The following XRCC1 variants were observed in gnomAD, a reference collection of about 807,000 sequenced individuals.
XRCC1 encodes DNA repair protein XRCC1.
XRCC1 carries 52 observed loss-of-function variants against 83.3 expected under a neutral mutation model. That is an observed-to-expected ratio of 0.62 (90% confidence interval 0.50 to 0.79). XRCC1 has a LOEUF of 0.79. Ranked by LOEUF, XRCC1 falls within the 30% of genes least tolerant of loss-of-function variation. The pLI is 0.00. For missense variants in XRCC1, 793 were observed against 823.5 expected (o/e 0.96, Z 0.45); for synonymous variants, 281 against 312.6 (o/e 0.90, Z 1.07).
chr19:43,572,365 GATGTC>G (rs1408148723), intron 2 of XRCC1, among the ~76,000 whole-genome samples: 1 of 152,176 alleles, frequency 6.6e-6, no homozygotes. Flanking sequence ...TCCGGGCTTG[GATGTC>G]ATTATTCCCA....
Position 43,553,443 on chromosome 19 carries a change from G to C in XRCC1, c.559C>G (p.Pro187Ala), listed in dbSNP as rs2146052431. ...ATCCGGCTGAAGAAGAGAGCCCCCG[G>C]CCTCAGAGAGTTGGCGCTCTCATCC... is the stretch of plus-strand genomic sequence containing the variant. ...EEDESANSLR[P>A]GALFFSRINK... Residue 187 changes from proline (P) to alanine (A), a missense_variant, in exon 6 of 17, where the codon CCG becomes GCG. By Grantham distance (27) the Pro-to-Ala change is conservative. Coordinates refer to ENST00000262887, the MANE Select transcript of XRCC1 (RefSeq NM_006297.3). 6.2e-7 allele frequency: 1 copy of C among 1,614,168 alleles called. No individual in the cohort carries two copies.
chr19:43,570,915 T>C (rs1389124157), intron 2 of XRCC1, among the ~76,000 whole-genome samples: 1 of 152,220 alleles, frequency 6.6e-6, no homozygotes, highest in Non-Finnish European at 1.5e-5. Flanking sequence ...AATTAGTCAT[T>C]GCCAGATGCA....
At position 43,543,396 on chromosome 19, in the gene XRCC1, G is replaced by A. The variant is rs1328080876; in HGVS notation, c.1898C>T (p.Ala633Val). 3.8e-6 allele frequency: 6 copies of A among 1,598,646 alleles called. No homozygotes were observed. The highest frequency in any genetic ancestry group is 4.3e-6 in the Non-Finnish European group (5 of 1,170,626). ...TGTGTGTGTATAGCACATACTTCAG[G>A]CTTGCGGCACCACCCCATAGAGCTG... ...PHQLYGVVPQ[A>V] is the part of the protein sequence containing the mutation. The change falls in exon 17 of 17, where the codon GCC (alanine) becomes GTC (valine). Residue 633 changes from alanine to valine, a missense_variant. Ala to Val is a moderately conservative substitution (Grantham distance 64). Transcript: ENST00000262887.
intron 2 of XRCC1, among the ~76,000 whole-genome samples, chr19:43,568,497 AAAGTAAGT>A (rs200331399): frequency 4.6e-5 from 7 of 151,928 alleles, no homozygotes; most frequent in Admixed American, 3.3e-4. Context: ...ATTCTGTCTC[AAAGTAAGT>A]AAGTAAGTAA....
chr19:43,561,051 G>A lies in XRCC1; in HGVS notation c.145-31C>T, dbSNP rs906887144. ...GGCAGAGAGAGAGGCCACTGTCAGT[G>A]CCTGCTCTGCCTCTGGGCTCACTGT... On this transcript the variant is annotated intron_variant, in intron 2 of 16. Transcript: ENST00000262887. 5.2e-6 allele frequency: 8 copies of A among 1,544,060 alleles called. No individual in the cohort carries two copies. In the African/African-American group the frequency reaches 8.2e-5, roughly 16 times the overall value.
At chr19:43,554,615 G>A in intron 4 of XRCC1, 31 bp downstream of exon 4, 1 of 1,588,974 alleles carries the variant, frequency 6.3e-7, no homozygotes, top group Non-Finnish European at 8.6e-7. Flanking sequence ...CAGGACCAAG[G>A]ACTCTGCACC....
chr19:43,573,689 T>C (rs1166721407), intron 2 of XRCC1, among the ~76,000 whole-genome samples: 1 of 151,138 alleles, frequency 6.6e-6, no homozygotes, highest in Non-Finnish European at 1.5e-5. Context: ...CCTGGCAACA[T>C]GGTGGAAACC....
intron 2 of XRCC1, chr19:43,574,694 C>CCA (rs1972836922): frequency 7.1e-6 from 4 of 565,042 alleles, no homozygotes; most frequent in South Asian, 6.1e-5. Context: ...CTGCCCAGGA[C>CCA]CACACACTGA....
In XRCC1 at chr19:43,553,523, G is replaced by A. The variant is rs776380027; in HGVS notation, c.490-11C>T. ...GGTCACTGTCACCTTCTAAGGTCCC[G>A]CAAGGTCAGTATTATAGGTGGGCTG... On this transcript the variant is annotated splice_polypyrimidine_tract_variant and intron_variant, in intron 5 of 16. Coordinates refer to ENST00000262887, the MANE Select transcript of XRCC1 (RefSeq NM_006297.3). 4.9e-5 allele frequency: 79 copies of A among 1,613,924 alleles called. No homozygotes were observed. The highest frequency in any genetic ancestry group is 2.0e-4 in the South Asian group (18 of 91,082).
At chr19:43,561,118 T>C in intron 2 of XRCC1, 98 bp from the exon 3 acceptor site, 1 of 960,450 alleles carries the variant, frequency 1.0e-6, no homozygotes, top group East Asian at 2.4e-5. Context: ...CATGTCCCTG[T>C]AATGTCAATT....
intron 2 of XRCC1, among the ~76,000 whole-genome samples, chr19:43,567,012 A>T (rs1383914813): frequency 6.6e-6 from 1 of 152,158 alleles, no homozygotes; most frequent in Non-Finnish European, 1.5e-5. Flanking sequence ...TGAAGTTGTG[A>T]TATATGCTAC....
intron 15 of XRCC1, 137 bp from the exon 16 acceptor site, chr19:43,543,824 T>C (rs1972481081): frequency 1.3e-6 from 1 of 744,842 alleles, no homozygotes; most frequent in Non-Finnish European, 2.2e-6. Flanking sequence ...GCTCCATTCT[T>C]TCATGTATCC....
At chr19:43,564,193 G>T (rs941495249) in intron 2 of XRCC1, among the ~76,000 whole-genome samples, 1 of 152,196 alleles carries the variant, frequency 6.6e-6, no homozygotes, top group Non-Finnish European at 1.5e-5. Flanking sequence ...TGTCAGCTGC[G>T]AATATCATTA....
intron 14 of XRCC1, 115 bp downstream of exon 14, chr19:43,545,703 G>A (rs1972500940): frequency 1.4e-6 from 2 of 1,388,588 alleles, no homozygotes; most frequent in South Asian, 2.7e-5. Context: ...GTTGAGGAAG[G>A]AGAGGGGAGG....
intron 6 of XRCC1, 114 bp from the exon 7 acceptor site, chr19:43,553,205 C>G: frequency 8.0e-7 from 1 of 1,245,778 alleles, no homozygotes. Flanking sequence ...TCCAGGAGTC[C>G]CAGCCTCCAG....
chr19:43,553,241 G>T, intron 6 of XRCC1, 150 bp from the exon 7 acceptor site: 1 of 1,168,054 alleles, frequency 8.6e-7, no homozygotes, highest in Non-Finnish European at 1.2e-6. Flanking sequence ...GGACACAAGA[G>T]GCCAGGCCCA....
rs368414217 is a variant in XRCC1, at chr19:43,543,352, G to T, written c.*40C>A. ...TTTATTAAATGCATCGTGTGTGTGT[G>T]TGTGTGTGTGTGTGTGTGTGTGTGT... is the stretch of plus-strand genomic sequence containing the variant. On this transcript the variant is annotated 3_prime_UTR_variant, in exon 17 of 17. Coordinates refer to ENST00000262887, the MANE Select transcript of XRCC1 (RefSeq NM_006297.3). 3.5e-6 allele frequency: 4 copies of T among 1,157,908 alleles called. No individual in the cohort carries two copies. Among genetic ancestry groups the T allele is most frequent in the Non-Finnish European group, 3.7e-6 (3 of 820,962 alleles). 71.7% of individuals were successfully genotyped at this position (1,157,908 alleles called of 1,614,324 possible). A position where few individuals can be genotyped will look rare whatever the true frequency, so the allele number is the denominator to read the frequency against.
intron 2 of XRCC1, 65 bp from the exon 3 acceptor site, chr19:43,561,085 AG>A: frequency 1.6e-6 from 2 of 1,269,954 alleles, no homozygotes; most frequent in Non-Finnish European, 2.3e-6. Flanking sequence ...GTGGGACCTC[AG>A]GATGAATCTC....
intron 3 of XRCC1, chr19:43,555,025 G>A (rs994798879): frequency 4.0e-5 from 16 of 395,176 alleles, no homozygotes; most frequent in South Asian, 1.5e-4. Context: ...AGATGTGAGC[G>A]ACCCTTATCT....
Sources: gnomAD v4.1 joint callset for allele counts (sites outside exome capture counted in the v4.1 genomes callset) on GRCh38, gnomAD v4.1.1 for gene constraint, MANE v1.5 for transcripts, NCBI Gene and HGNC (gene_info 2026-07-23, HGNC 2026-07-21) for gene names.